The following DHX34 variants were observed in gnomAD, a reference collection of about 807,000 sequenced individuals.
DHX34 encodes DExH-box helicase 34.
A neutral mutation model predicts 111.1 loss-of-function variants in DHX34; 96 were observed. The ratio of observed to expected loss-of-function variants is 0.86; its 90% CI spans 0.73 to 1.02. DHX34 has a LOEUF of 1.02. Ranked by LOEUF, DHX34 falls within the 50% of genes least tolerant of loss-of-function variation. The probability of loss-of-function intolerance (pLI) is 0.00; values close to 1 mark genes in which losing one functional copy is unlikely to be tolerated. For missense variants in DHX34, 1,560 were observed against 1,579.9 expected (o/e 0.99, Z 0.21); for synonymous variants, 688 against 670.4 (o/e 1.03, Z -0.41).
At chr19:47,366,724 T>C (rs1969795838) in intron 6 of DHX34, 1 of 510,584 alleles carries the variant, frequency 2.0e-6, no homozygotes, top group Admixed American at 6.5e-5. Flanking sequence ...GGGATTACAG[T>C]CATGCACCAC....
At chr19:47,351,814 A>G (rs1015399311) in intron 1 of DHX34, among the ~76,000 whole-genome samples, 1 of 152,100 alleles carries the variant, frequency 6.6e-6, no homozygotes, top group African/African-American at 2.4e-5. Flanking sequence ...GGTCTTTGTT[A>G]CTTGCCTACC....
chr19:47,380,036 G>A (rs776152022), intron 14 of DHX34, 51 bp downstream of exon 14: 4 of 1,526,590 alleles, frequency 2.6e-6, no homozygotes, highest in Middle Eastern at 1.8e-4. Context: ...AGGGGCATCC[G>A]TCACTGGGCT....
Position 47,352,929 on chromosome 19 carries a change from T to C in DHX34, c.-102T>C, listed in dbSNP as rs151202313. On this transcript the variant is annotated 5_prime_UTR_variant, in exon 2 of 17. Coordinates refer to ENST00000328771, the MANE Select transcript of DHX34 (RefSeq NM_014681.6). The stretch of plus-strand genomic sequence containing the variant: ...TAGCTCTTTGAAGAGAAAGTAGTTC[T>C]CTATTGCAGGCACTGGCCTCTTAAA... 197 of 1,463,974 alleles carry C rather than the reference T, an allele frequency of 1.3e-4. 3 individuals carry two copies. In the East Asian group the frequency reaches 4.8e-3, roughly 35 times the overall value. 90.7% of individuals were successfully genotyped at this position (1,463,974 alleles called of 1,614,324 possible). A position where few individuals can be genotyped will look rare whatever the true frequency, so the allele number is the denominator to read the frequency against.
chr19:47,353,660 C>G lies in DHX34; in HGVS notation c.630C>G (p.Thr210=). 1 of 1,612,884 alleles carries G rather than the reference C, an allele frequency of 6.2e-7. No individual in the cohort carries two copies. Among genetic ancestry groups the G allele is most frequent in the Non-Finnish European group, 8.5e-7 (1 of 1,179,748 alleles). ...CTGGCTTCAGTCATGTGGCGTGCAC[C>G]CAGCCCCGGCGGATCGCCTGCATCT... ...LAAGFSHVAC[T]QPRRIACISL... is the part of the protein sequence containing the mutation. The change falls in exon 2 of 17, where the codon ACC becomes ACG. Residue 210 remains threonine, a synonymous_variant. Transcript: ENST00000328771. This position sits in a 1 kb window ranked among gnomAD's most constrained non-coding sequence, Gnocchi z 4.6.
At position 47,353,229 on chromosome 19, in the gene DHX34, C is replaced by T; in HGVS notation, c.199C>T (p.Leu67=). 1 of 1,614,190 alleles carries T rather than the reference C, an allele frequency of 6.2e-7. No individual in the cohort carries two copies. The highest frequency in any genetic ancestry group is 8.5e-7 in the Non-Finnish European group (1 of 1,180,036). The part of the protein sequence containing the change: ...CQKFWTFFER[L]QRFQNLKTSR... ...GAAGTTTTGGACCTTCTTTGAACGC[C>T]TGCAGAGATTCCAGAATCTCAAGAC... The change falls in exon 2 of 17, where the codon CTG becomes TTG. Residue 67 remains leucine, a synonymous_variant. Coordinates refer to ENST00000328771, the MANE Select transcript of DHX34 (RefSeq NM_014681.6). The surrounding 1 kb of genome is among the most constrained non-coding windows in gnomAD (Gnocchi z 4.6).
intron 7 of DHX34, among the ~76,000 whole-genome samples, chr19:47,367,491 G>C: frequency 6.6e-6 from 1 of 152,170 alleles, no homozygotes; most frequent in Non-Finnish European, 1.5e-5. Flanking sequence ...TTGTAATACA[G>C]GCCTCATGTA....
intron 13 of DHX34, 21 bp downstream of exon 13, chr19:47,377,227 G>C (rs536296323): frequency 1.2e-4 from 194 of 1,601,144 alleles, no homozygotes; most frequent in Admixed American, 6.5e-4. Flanking sequence ...GCCCCACCCC[G>C]CCCCCATGCC....
intron 5 of DHX34, 53 bp downstream of exon 5, chr19:47,360,123 G>T: frequency 1.3e-6 from 2 of 1,571,282 alleles, no homozygotes; most frequent in Non-Finnish European, 1.8e-6. Context: ...TAGGAGCATG[G>T]GGTCCGGAGG....
chr19:47,380,940 C>CCA lies in DHX34; in HGVS notation c.3110_3111dup (p.Lys1038GlnfsTer120). 1 of 1,607,034 alleles carries CCA rather than the reference C, an allele frequency of 6.2e-7. No individual in the cohort carries two copies. The highest frequency in any genetic ancestry group is 8.5e-7 in the Non-Finnish European group (1 of 1,176,718). On this transcript the variant is annotated frameshift_variant, in exon 15 of 17. Coordinates refer to ENST00000328771, the MANE Select transcript of DHX34 (RefSeq NM_014681.6). LOFTEE classifies it high-confidence loss of function. The stretch of plus-strand genomic sequence containing the variant: ...GGCAGCTCCACCCTGTCCCCCCACC[C>CCA]CACAAAGGGGGGCTACGCAGTCACT...
At chr19:47,368,511 G>A (rs1302805842) in intron 7 of DHX34, among the ~76,000 whole-genome samples, 2 of 150,058 alleles carry the variant, frequency 1.3e-5, no homozygotes, top group African/African-American at 4.9e-5. Flanking sequence ...TCTCTATGTT[G>A]GTCAGGCTGG....
intron 3 of DHX34, among the ~76,000 whole-genome samples, chr19:47,356,106 C>T (rs1354194553): frequency 6.6e-6 from 1 of 152,092 alleles, no homozygotes; most frequent in African/African-American, 2.4e-5. Context: ...TAGCAGCATC[C>T]CTGGCCCTAC....
rs760689624 is a variant in DHX34, at chr19:47,355,347, C to T, written c.1014C>T (p.Ile338=). The change falls in exon 3 of 17, where the codon ATC becomes ATT. Residue 338 remains isoleucine, a synonymous_variant. Transcript: ENST00000328771. ...VVQVPGRLFP[I]TVVYQPQEAE... is the part of the protein sequence containing the mutation. ...AGGTGCCTGGGAGGCTGTTCCCCAT[C>T]ACGGTGAGTACTTCCCCCTCCTCCC... is the stretch of plus-strand genomic sequence containing the variant. The T allele has an allele frequency of 1.2e-6, 2 of 1,612,234 alleles. No homozygotes were observed. The highest frequency in any genetic ancestry group is 1.7e-6 in the Non-Finnish European group (2 of 1,178,442).
chr19:47,374,506 A>C (rs1186775381), intron 9 of DHX34, among the ~76,000 whole-genome samples: 1 of 151,714 alleles, frequency 6.6e-6, no homozygotes, highest in African/African-American at 2.4e-5. Context: ...TTTCATAGAT[A>C]CTGTTCTCCA....
At chr19:47,377,869 C>A (rs1462523284) in intron 13 of DHX34, among the ~76,000 whole-genome samples, 2 of 152,012 alleles carry the variant, frequency 1.3e-5, no homozygotes, top group African/African-American at 4.8e-5. Context: ...GATGCCCTTG[C>A]ATGGGCACCG....
At position 47,382,435 on chromosome 19, in the gene DHX34, A is replaced by G; in HGVS notation, c.*322A>G. On this transcript the variant is annotated 3_prime_UTR_variant, in exon 17 of 17. Coordinates refer to ENST00000328771, the MANE Select transcript of DHX34 (RefSeq NM_014681.6). ...GCCAGCAGGGACCTCCCATGTCTCC[A>G]GATTCCAGGTGCAGGTTCTTAGCAC... The G allele has an allele frequency of 3.3e-6, 1 of 299,032 alleles. No homozygotes were observed. The allele number at this position is 299,032 out of a possible 1,614,324, so 18.5% of individuals were successfully genotyped here.
intron 8 of DHX34, 151 bp from the exon 9 acceptor site, chr19:47,373,448 C>A: frequency 3.5e-6 from 5 of 1,442,636 alleles, no homozygotes; most frequent in Non-Finnish European, 4.5e-6. Flanking sequence ...GGGAGGGCTT[C>A]CCATAGGAGG....
chr19:47,369,657 G>C (rs563896691), intron 7 of DHX34, among the ~76,000 whole-genome samples: 3 of 152,284 alleles, frequency 2.0e-5, no homozygotes, highest in East Asian at 3.9e-4. Flanking sequence ...TGGGGGCTGG[G>C]AGCAGTGTTA....
chr19:47,362,797 G>A (rs545633622), intron 6 of DHX34, 104 bp downstream of exon 6: 15 of 1,087,540 alleles, frequency 1.4e-5, no homozygotes, highest in African/African-American at 4.9e-5. Context: ...TTGAGATAGC[G>A]TCTTGCTCTG....
intron 14 of DHX34, 122 bp downstream of exon 14, chr19:47,380,107 G>A: frequency 7.0e-7 from 1 of 1,421,564 alleles, no homozygotes; most frequent in Non-Finnish European, 9.3e-7. Flanking sequence ...GGGGTTTTCA[G>A]GCCACAGAGG....
Sources: allele counts gnomAD v4.1 joint callset (sites outside exome capture counted in the v4.1 genomes callset), GRCh38; gene constraint gnomAD v4.1.1; non-coding constraint Gnocchi (gnomAD v3.1); transcripts MANE v1.5; gene names NCBI Gene and HGNC (gene_info 2026-07-23, HGNC 2026-07-21).